The following UST variants were observed in gnomAD, a reference collection of about 807,000 sequenced individuals.
UST encodes uronyl 2-sulfotransferase.
In UST, 21 loss-of-function variants were observed where a neutral mutation model predicts 45.6. The observed-to-expected ratio is 0.46, with a 90% CI of 0.33 to 0.66. The LOEUF (loss-of-function observed/expected upper bound fraction) is 0.66, where lower values mean the gene tolerates loss of function less well. Among genes scored for constraint, UST ranks in the 30% least tolerant of loss-of-function variants. The pLI, the probability that UST is intolerant of heterozygous loss-of-function variation, is 0.02. For missense variants in UST, 463 were observed against 512.4 expected (o/e 0.90, Z 0.93); for synonymous variants, 215 against 200.6 (o/e 1.07, Z -0.61).
At chr6:148,897,958 A>G (rs1351493013) in intron 2 of UST, among the ~76,000 whole-genome samples, 1 of 152,106 alleles carries the variant, frequency 6.6e-6, no homozygotes, top group East Asian at 1.9e-4. Flanking sequence ...GTTTTTTCCT[A>G]AGAATATATT....
In UST at chr6:148,990,391, A is replaced by G. The variant is rs978910163; in HGVS notation, c.681+25828A>G. On this transcript the variant is annotated intron_variant, in intron 5 of 7. Transcript: ENST00000367463. ...TCCAAATAGTTAAGCAGATCAACCT[A>G]TGAAGAGCGAGAAGCCAAAGGAGAT... is the stretch of plus-strand genomic sequence containing the variant. 5.1e-6 allele frequency: 5 copies of G among 985,222 alleles called. No individual in the cohort carries two copies. In the African/African-American group the frequency reaches 5.2e-5, roughly 10 times the overall value. 61.0% of individuals were successfully genotyped at this position (985,222 alleles called of 1,614,324 possible). A position where few individuals can be genotyped will look rare whatever the true frequency, so the allele number is the denominator to read the frequency against.
chr6:148,747,388 T>G lies in UST; in HGVS notation c.-43T>G. 1 of 1,369,524 alleles carries G rather than the reference T, an allele frequency of 7.3e-7. No homozygotes were observed. Among genetic ancestry groups the G allele is most frequent in the Non-Finnish European group, 9.5e-7 (1 of 1,055,860 alleles). The allele number at this position is 1,369,524 out of a possible 1,614,324, so 84.8% of individuals were successfully genotyped here. A position where few individuals can be genotyped will look rare whatever the true frequency, so the allele number is the denominator to read the frequency against. Reference sequence around the variant, plus strand: ...TCCTCCTCGCGGCGGATGGGTGACCTTTTCCTGGCACGGGCAGGCTGTGGG... The same window carrying G: ...TCCTCCTCGCGGCGGATGGGTGACCGTTTCCTGGCACGGGCAGGCTGTGGG... On this transcript the variant is annotated 5_prime_UTR_variant, in exon 1 of 8. Coordinates refer to ENST00000367463, the MANE Select transcript of UST (RefSeq NM_005715.3).
intron 1 of UST, among the ~76,000 whole-genome samples, chr6:148,796,043 G>T (rs12204901): frequency 0.24 from 36,299 of 152,032 alleles, 5,161 homozygotes; most frequent in African/African-American, 0.4. Context: ...CAGCGTGGTG[G>T]ATAATTGAAC....
At chr6:148,951,386 T>G (rs1042230099) in intron 3 of UST, among the ~76,000 whole-genome samples, 2 of 152,200 alleles carry the variant, frequency 1.3e-5, no homozygotes, top group Admixed American at 6.5e-5. Context: ...TCCACTGTCT[T>G]CTTCATGTGT....
chr6:149,002,395 C>T (rs1327709622), intron 5 of UST, among the ~76,000 whole-genome samples: 1 of 152,004 alleles, frequency 6.6e-6, no homozygotes, highest in Non-Finnish European at 1.5e-5. Context: ...GGTTCATTTA[C>T]TAAAAGTAGA....
rs556145676 is a variant in UST at position 148,916,517 on chromosome 6, C to T, written c.292-24762C>T. On this transcript the variant is annotated intron_variant, in intron 2 of 7. Transcript: ENST00000367463. ...AGACATCGTTCTGGATCCTGGGTGC[C>T]GCCCCCTCTTTAGCGCCTCACTCAC... Among the ~76,000 whole-genome samples, 5 of 152,246 alleles carry T rather than the reference C, an allele frequency of 3.3e-5. No individual in the cohort carries two copies. In the South Asian group the frequency reaches 8.3e-4, roughly 25 times the overall value.
chr6:148,794,627 G>C (rs1340396990), intron 1 of UST, among the ~76,000 whole-genome samples: 4 of 152,170 alleles, frequency 2.6e-5, no homozygotes, highest in African/African-American at 9.7e-5. Flanking sequence ...AGAAAATTTA[G>C]TTCCTATGTT....
chr6:148,913,321 C>T (rs1375245472), intron 2 of UST, among the ~76,000 whole-genome samples: 1 of 151,968 alleles, frequency 6.6e-6, no homozygotes, highest in Non-Finnish European at 1.5e-5. Flanking sequence ...TTATTTTAGA[C>T]TCTGCCCACC....
chr6:148,974,962 C>T (rs1780988731), intron 5 of UST, among the ~76,000 whole-genome samples: 1 of 152,160 alleles, frequency 6.6e-6, no homozygotes, highest in Admixed American at 6.5e-5. Context: ...TTGTAATTAA[C>T]CACTTGGATA....
At chr6:148,995,175 C>T (rs1271585283) in intron 5 of UST, among the ~76,000 whole-genome samples, 1 of 152,194 alleles carries the variant, frequency 6.6e-6, no homozygotes, top group Non-Finnish European at 1.5e-5. Context: ...TAGGCACGCA[C>T]CACCACACTT....
chr6:148,870,233 T>C (rs2114814467), intron 1 of UST, among the ~76,000 whole-genome samples: 1 of 152,026 alleles, frequency 6.6e-6, no homozygotes. Flanking sequence ...GCTCTGACAC[T>C]ACCCAGCCAT....
chr6:149,074,143 A>G lies in UST; in HGVS notation c.*27A>G, dbSNP rs1406012577. On this transcript the variant is annotated 3_prime_UTR_variant, in exon 8 of 8. Transcript: ENST00000367463. ...GTGACTGTGTTGCCTCTATGGCTTT[A>G]TCTCCCTTTTCCAGAAAGTTCTTTG... 1.9e-6 allele frequency: 3 copies of G among 1,602,108 alleles called. No homozygotes were observed. Among genetic ancestry groups the G allele is most frequent in the Non-Finnish European group, 2.6e-6 (3 of 1,171,936 alleles).
rs377519116 is a variant in UST at position 148,903,513 on chromosome 6, C to A, written c.291+16484C>A. On this transcript the variant is annotated intron_variant, in intron 2 of 7. Transcript: ENST00000367463. ...TACAGTTATTCAAGAAAATATGTTTCCTTTGTGGGTTGTGATCTTGCACTC... is the reference window on the plus strand; with the variant it reads ...TACAGTTATTCAAGAAAATATGTTTACTTTGTGGGTTGTGATCTTGCACTC... 1.5e-4 allele frequency among the ~76,000 whole-genome samples: 23 copies of A among 152,106 alleles called. No homozygotes were observed. In the East Asian group the frequency reaches 3.9e-3, roughly 26 times the overall value.
At chr6:148,960,597 C>G (rs920820653) in intron 4 of UST, among the ~76,000 whole-genome samples, 1 of 152,150 alleles carries the variant, frequency 6.6e-6, no homozygotes, top group Non-Finnish European at 1.5e-5. Flanking sequence ...GGCAGAGTTT[C>G]CATTTGTGAA....
At chr6:148,911,150 GA>G (rs1329712122) in intron 2 of UST, among the ~76,000 whole-genome samples, 57 of 152,102 alleles carry the variant, frequency 3.7e-4, no homozygotes, top group Non-Finnish European at 1.3e-4. Flanking sequence ...CAGAGATTCA[GA>G]AAAGTTCCAG....
At position 149,021,199 on chromosome 6, in the gene UST, C is replaced by T. The variant is rs895023526; in HGVS notation, c.780-125C>T. 1.4e-5 allele frequency: 16 copies of T among 1,118,830 alleles called. No individual in the cohort carries two copies. The Admixed American group carries it at 2.7e-4, about 19-fold the overall frequency. The allele number at this position is 1,118,830 out of a possible 1,614,324, so 69.3% of individuals were successfully genotyped here. On this transcript the variant is annotated intron_variant, in intron 6 of 7. Coordinates refer to ENST00000367463, the MANE Select transcript of UST (RefSeq NM_005715.3). ...GGATGGGGCTACATCTGGGCTGGTC[C>T]TTGAGGGAAACAGGATTTGGACTTA... is the stretch of plus-strand genomic sequence containing the variant.
At chr6:148,789,426 A>ATCTC (rs751939500) in intron 1 of UST, among the ~76,000 whole-genome samples, 160 of 143,618 alleles carry the variant, frequency 1.1e-3, no homozygotes, top group African/African-American at 3.4e-3. Context: ...TCTTGTGCAG[A>ATCTC]TCTCTCTCTC....
At chr6:148,981,740 A>G (rs926639581) in intron 5 of UST, among the ~76,000 whole-genome samples, 1 of 152,210 alleles carries the variant, frequency 6.6e-6, no homozygotes, top group South Asian at 2.1e-4. Flanking sequence ...CATCCTTTGC[A>G]TATTTTTCAT....
chr6:148,775,639 T>TGG (rs141490949), intron 1 of UST, among the ~76,000 whole-genome samples: 2 of 150,916 alleles, frequency 1.3e-5, no homozygotes, highest in African/African-American at 2.4e-5. Flanking sequence ...TTTTTTTTTT[T>TGG]GGGGCGGGGA....
Sources: gnomAD v4.1 joint callset for allele counts (sites outside exome capture counted in the v4.1 genomes callset) on GRCh38, gnomAD v4.1.1 for gene constraint, MANE v1.5 for transcripts, NCBI Gene and HGNC (gene_info 2026-07-23, HGNC 2026-07-21) for gene names.